Variants in CNOT6 observed in about 807,000 individuals in gnomAD.
The protein encoded by CNOT6 is CCR4-NOT transcription complex subunit 6.
A neutral mutation model predicts 61.2 loss-of-function variants in CNOT6; 12 were observed. That is an observed-to-expected ratio of 0.20 (90% CI 0.13 to 0.32). CNOT6 has a LOEUF of 0.32. Ranked by LOEUF, CNOT6 falls within the 10% of genes least tolerant of loss-of-function variation. CNOT6 has a pLI of 1.00. For synonymous variants in CNOT6, 225 were observed against 240.6 expected, an observed-to-expected ratio of 0.94 and a Z score of 0.60; for missense variants, 405 against 663.9, an observed-to-expected ratio of 0.61 and a Z score of 4.28.
intron 1 of CNOT6, among the ~76,000 whole-genome samples, chr5:180,522,007 C>G (rs951757401): frequency 2.0e-5 from 3 of 152,182 alleles, no homozygotes; most frequent in African/African-American, 4.8e-5. Context: ...TATACCAGTG[C>G]ATGTACCTTT....
Position 180,524,950 on chromosome 5 carries a change from A to G in CNOT6, c.-2-4325A>G, listed in dbSNP as rs1224815854. Among the ~76,000 whole-genome samples the G allele has an allele frequency of 5.5e-4, 84 of 152,210 alleles. 1 individual carries two copies. Among genetic ancestry groups the G allele is most frequent in the Admixed American group, 5.4e-3 (83 of 15,276 alleles). ...TGCTGTCATCAAGCTCTGGTAGCATAGAACAGAGCATTTTATATTTTCTAG... is the reference window on the plus strand; with the variant it reads ...TGCTGTCATCAAGCTCTGGTAGCATGGAACAGAGCATTTTATATTTTCTAG... On this transcript the variant is annotated intron_variant, in intron 1 of 11. Transcript: ENST00000261951.
chr5:180,535,641 A>G (rs567268937), intron 2 of CNOT6, among the ~76,000 whole-genome samples: 6 of 152,330 alleles, frequency 3.9e-5, no homozygotes, highest in African/African-American at 1.4e-4. Context: ...TCTTTTTGAC[A>G]TGATGATTTC....
chr5:180,543,050 A>AATTT (rs1002282672), intron 2 of CNOT6, among the ~76,000 whole-genome samples: 50 of 151,708 alleles, frequency 3.3e-4, no homozygotes, highest in African/African-American at 8.7e-4. Context: ...AATTTTTTTA[A>AATTT]ATTTATTTAT....
intron 3 of CNOT6, among the ~76,000 whole-genome samples, chr5:180,552,396 C>G (rs1392109877): frequency 1.3e-5 from 2 of 151,178 alleles, no homozygotes; most frequent in African/African-American, 4.8e-5. Flanking sequence ...TCCCAGCACA[C>G]TTTGGGAGGC....
At chr5:180,554,251 C>T (rs970690113) in intron 4 of CNOT6, among the ~76,000 whole-genome samples, 1 of 152,148 alleles carries the variant, frequency 6.6e-6, no homozygotes, top group Non-Finnish European at 1.5e-5. Context: ...AACCCAATCT[C>T]TACCAAAAAT....
In CNOT6 at chr5:180,531,827, T is replaced by C. The variant is rs182795652; in HGVS notation, c.112+2439T>C. ...GCGAAACCCCGTCTCCACCAAAAAA[T>C]GCAAGAACCAGTCAGGCGTGGCGGC... On this transcript the variant is annotated intron_variant, in intron 2 of 11. Transcript: ENST00000261951. Among the ~76,000 whole-genome samples, 1,352 of 152,260 alleles carry C rather than the reference T, an allele frequency of 8.9e-3. 19 individuals carry two copies. Among genetic ancestry groups the C allele is most frequent in the South Asian group, 0.076 (365 of 4,814 alleles).
At position 180,575,799 on chromosome 5, in the gene CNOT6, A is replaced by C. The variant is rs1220769298; in HGVS notation, c.*1599A>C. The stretch of plus-strand genomic sequence containing the variant: ...TTGTTTCAACTGCAGGCAGGGGAGC[A>C]AAAGGACGCCATGTGAGCATTAGGA... On this transcript the variant is annotated 3_prime_UTR_variant, in exon 12 of 12. Coordinates refer to ENST00000261951, the MANE Select transcript of CNOT6 (RefSeq NM_001370472.1). The C allele has an allele frequency of 6.6e-6, 1 of 152,608 alleles. No homozygotes were observed. Among genetic ancestry groups the C allele is most frequent in the Non-Finnish European group, 1.5e-5 (1 of 68,030 alleles). The allele number at this position is 152,608 out of a possible 1,614,324, so 9.5% of individuals were successfully genotyped here.
chr5:180,501,249 C>CAT (rs1294495276), intron 1 of CNOT6, among the ~76,000 whole-genome samples: 1 of 152,056 alleles, frequency 6.6e-6, no homozygotes, highest in African/African-American at 2.4e-5. Context: ...AGTACATCAG[C>CAT]ATAGGGGATA....
At chr5:180,547,381 G>T (rs891820930) in intron 2 of CNOT6, among the ~76,000 whole-genome samples, 2 of 151,904 alleles carry the variant, frequency 1.3e-5, no homozygotes, top group African/African-American at 4.8e-5. Context: ...TTAGCTGGGC[G>T]TGGTGGCGGG....
intron 1 of CNOT6, among the ~76,000 whole-genome samples, chr5:180,510,494 C>T (rs1207176652): frequency 1.3e-5 from 2 of 152,092 alleles, no homozygotes; most frequent in Non-Finnish European, 2.9e-5. Context: ...TTTGTTTATA[C>T]TAGAGGCACA....
At chr5:180,533,609 C>T (rs1012715862) in intron 2 of CNOT6, among the ~76,000 whole-genome samples, 3 of 152,064 alleles carry the variant, frequency 2.0e-5, no homozygotes, top group South Asian at 2.1e-4. Flanking sequence ...AGATAGGGGT[C>T]TCCCTTTGTT....
chr5:180,544,012 T>G (rs931532023), intron 2 of CNOT6, among the ~76,000 whole-genome samples: 1 of 151,920 alleles, frequency 6.6e-6, no homozygotes, highest in Non-Finnish European at 1.5e-5. Flanking sequence ...GGGGTTTCAC[T>G]GTGTTAGCCA....
intron 4 of CNOT6, among the ~76,000 whole-genome samples, chr5:180,563,191 A>G (rs566062989): frequency 1.8e-4 from 27 of 151,470 alleles, no homozygotes; most frequent in African/African-American, 6.1e-4. Flanking sequence ...AACCTCTTCT[A>G]TTCGGCCTTG....
At chr5:180,503,256 A>G (rs1308036892) in intron 1 of CNOT6, among the ~76,000 whole-genome samples, 1 of 130,996 alleles carries the variant, frequency 7.6e-6, no homozygotes, top group Non-Finnish European at 1.7e-5. Context: ...TCTAGTTTGT[A>G]TTTTTCTTTT....
At chr5:180,565,556 C>T (rs1026929337) in intron 6 of CNOT6, among the ~76,000 whole-genome samples, 2 of 152,136 alleles carry the variant, frequency 1.3e-5, no homozygotes, top group South Asian at 2.1e-4. Context: ...GAAGGGCTCA[C>T]GAGCTTAGAC....
chr5:180,495,551 G>A (rs923682687), intron 1 of CNOT6: 3 of 152,334 alleles, frequency 2.0e-5, no homozygotes, highest in Admixed American at 2.0e-4. Flanking sequence ...GTTGTGAATG[G>A]TCATCTCGCT....
chr5:180,494,637 G>A lies in CNOT6; in HGVS notation c.-129G>A, dbSNP rs988402234. ...AAGAGCAGCGACTAAGGCGGCAGAG[G>A]AGCGGCGGCGGTGGCGGCGCTGCAG... On this transcript the variant is annotated 5_prime_UTR_variant, in exon 1 of 12. Transcript: ENST00000261951. The A allele has an allele frequency of 1.3e-5, 2 of 157,780 alleles. No homozygotes were observed. Among genetic ancestry groups the A allele is most frequent in the Non-Finnish European group, 2.8e-5 (2 of 72,472 alleles). The allele number at this position is 157,780 out of a possible 1,614,324, so 9.8% of individuals were successfully genotyped here.
intron 2 of CNOT6, among the ~76,000 whole-genome samples, chr5:180,547,669 TG>T (rs1378849849): frequency 2.0e-5 from 3 of 152,324 alleles, no homozygotes; most frequent in South Asian, 4.1e-4. Flanking sequence ...TTAAGCCATT[TG>T]GTTAAGATGT....
At chr5:180,561,539 C>A (rs147341217) in intron 4 of CNOT6, among the ~76,000 whole-genome samples, 26 of 152,082 alleles carry the variant, frequency 1.7e-4, no homozygotes, top group African/African-American at 6.3e-4. Context: ...GTGTGATGAG[C>A]TATTTTCATT....
Sources: allele counts gnomAD v4.1 joint callset (sites outside exome capture counted in the v4.1 genomes callset), GRCh38; gene constraint gnomAD v4.1.1; transcripts MANE v1.5; gene names NCBI Gene and HGNC (gene_info 2026-07-23, HGNC 2026-07-21).